Variants in BRDT observed in about 807,000 individuals in gnomAD.
The protein encoded by BRDT is bromodomain testis associated.
In BRDT, 77 loss-of-function variants were observed where a neutral mutation model predicts 113.9. The ratio of observed to expected loss-of-function variants is 0.68; its 90% confidence interval spans 0.56 to 0.82. The LOEUF is 0.82. Among genes scored for constraint, BRDT ranks in the 40% least tolerant of loss-of-function variants. BRDT has a pLI of 0.00. For synonymous variants in BRDT, 358 were observed against 366.5 expected (o/e 0.98, Z 0.26); for missense variants, 1,027 against 1,105.4 (o/e 0.93, Z 1.01).
chr1:91,998,081 A>AT (rs1422258931), intron 15 of BRDT, among the ~76,000 whole-genome samples: 1 of 152,016 alleles, frequency 6.6e-6, no homozygotes, highest in Non-Finnish European at 1.5e-5. Context: ...ACAATGTTGA[A>AT]TTTTTTTTCC....
intron 18 of BRDT, among the ~76,000 whole-genome samples, chr1:92,012,208 G>A (rs542828606): frequency 6.6e-6 from 1 of 151,316 alleles, no homozygotes; most frequent in East Asian, 2.0e-4. Flanking sequence ...TGAGGCAGAA[G>A]AATCATTTGA....
intron 4 of BRDT, among the ~76,000 whole-genome samples, chr1:91,972,136 T>A (rs961808568): frequency 2.0e-5 from 3 of 152,134 alleles, no homozygotes; most frequent in African/African-American, 7.2e-5. Flanking sequence ...GCTGCAAAAT[T>A]TAAGTAGTGT....
intron 1 of BRDT, among the ~76,000 whole-genome samples, chr1:91,960,107 A>G (rs950004453): frequency 5.3e-5 from 8 of 152,200 alleles, no homozygotes; most frequent in African/African-American, 1.7e-4. Context: ...TGGGAATGTG[A>G]AATCATGTAT....
At chr1:91,950,622 AG>A (rs1205516108) in intron 1 of BRDT, 1 of 150,948 alleles carries the variant, frequency 6.6e-6, no homozygotes, top group African/African-American at 2.4e-5. Flanking sequence ...GTTCAGGTAA[AG>A]AGAAGTTTCT....
chr1:91,992,356 G>T, intron 14 of BRDT, 42 bp downstream of exon 14: 2 of 1,192,442 alleles, frequency 1.7e-6, no homozygotes, highest in Non-Finnish European at 2.2e-6. Context: ...GGAAGAAATG[G>T]TTTACATATA....
chr1:91,980,965 GA>G lies in BRDT; in HGVS notation c.1538del (p.Asp513ValfsTer6), dbSNP rs1188709614. ...DEDNAKPMNY[D>X]EKRQLSLNIN... ...AGATAATGCTAAACCTATGAACTAT[GA>G]TGAGAAAAGGCAGTTAAGTCTGAAT... On this transcript the variant is annotated frameshift_variant, in exon 10 of 19. Coordinates refer to ENST00000399546, the MANE Select transcript of BRDT (RefSeq NM_207189.4). LOFTEE classifies it high-confidence loss of function. 1.2e-6 allele frequency: 2 copies of G among 1,614,034 alleles called. No homozygotes were observed. The highest frequency in any genetic ancestry group is 1.7e-6 in the Non-Finnish European group (2 of 1,179,990).
At position 91,981,090 on chromosome 1, in the gene BRDT, A is replaced by T. The variant is rs760034192; in HGVS notation, c.1662A>T (p.Ile554=). Residue 554 remains isoleucine, a synonymous_variant, in exon 10 of 19, where the codon ATA becomes ATT. Coordinates refer to ENST00000399546, the MANE Select transcript of BRDT (RefSeq NM_207189.4). The stretch of plus-strand genomic sequence containing the variant: ...ATTCCAATCCTGATGAGATAGAGAT[A>T]GACTTTGAAACACTGAAAGCATCAA... ...LSNSNPDEIE[I]DFETLKASTL... The T allele has an allele frequency of 6.2e-7, 1 of 1,614,100 alleles. No homozygotes were observed. Among genetic ancestry groups the T allele is most frequent in the Non-Finnish European group, 8.5e-7 (1 of 1,179,962 alleles).
chr1:92,002,404 C>T (rs1686942969), intron 16 of BRDT, among the ~76,000 whole-genome samples: 2 of 152,042 alleles, frequency 1.3e-5, no homozygotes, highest in Non-Finnish European at 2.9e-5. Context: ...CACTCTGTCG[C>T]CTAGGCTGGA....
chr1:91,978,444 A>T (rs1684364019), intron 7 of BRDT, 148 bp downstream of exon 7: 5 of 928,130 alleles, frequency 5.4e-6, no homozygotes, highest in Non-Finnish European at 7.7e-6. Context: ...TGCACCAACA[A>T]AACAGTTTAT....
intron 1 of BRDT, 53 bp from the exon 2 acceptor site, chr1:91,962,665 C>T (rs1416501019): frequency 9.0e-7 from 1 of 1,107,498 alleles, no homozygotes; most frequent in Non-Finnish European, 1.3e-6. Flanking sequence ...TTTTCAGCTC[C>T]TGTGGAAACC....
In BRDT at chr1:91,977,368, A is replaced by G; in HGVS notation, c.944A>G (p.Asn315Ser). The change falls in exon 6 of 19, where the codon AAT becomes AGT. Residue 315 changes from asparagine to serine, a missense_variant. Coordinates refer to ENST00000399546, the MANE Select transcript of BRDT (RefSeq NM_207189.4). ...GLHNYYDVVK[N>S]PMDLGTIKEK... ...CATAACTACTATGACGTTGTCAAAA[A>G]TCCGATGGATCTTGGAACTATTAAG... 6.3e-7 allele frequency: 1 copy of G among 1,591,352 alleles called. No individual in the cohort carries two copies. The highest frequency in any genetic ancestry group is 8.5e-7 in the Non-Finnish European group (1 of 1,170,560).
chr1:92,002,039 G>A lies in BRDT; in HGVS notation c.2288-10G>A, dbSNP rs1327287049. 4 of 1,573,992 alleles carry A rather than the reference G, an allele frequency of 2.5e-6. No individual in the cohort carries two copies. The highest frequency in any genetic ancestry group is 2.7e-5 in the African/African-American group (2 of 73,670). On this transcript the variant is annotated splice_polypyrimidine_tract_variant and intron_variant, in intron 15 of 18. Coordinates refer to ENST00000399546, the MANE Select transcript of BRDT (RefSeq NM_207189.4). ...TTTAATTATACTATTCTAAAAATGT[G>A]TGCATCCAGGTGATTCTGAACAGCT...
At chr1:91,961,682 A>T (rs751726479) in intron 1 of BRDT, among the ~76,000 whole-genome samples, 2 of 151,952 alleles carry the variant, frequency 1.3e-5, no homozygotes, top group Non-Finnish European at 2.9e-5. Context: ...TAGCCAGAAC[A>T]TTTTTTTACT....
At chr1:91,984,339 AAC>A (rs1470529283) in intron 12 of BRDT, among the ~76,000 whole-genome samples, 2 of 152,146 alleles carry the variant, frequency 1.3e-5, no homozygotes, top group Admixed American at 6.5e-5. Flanking sequence ...TGGGAACAAC[AAC>A]ACACACAAAA....
At chr1:91,963,502 G>A (rs1682723932) in intron 2 of BRDT, among the ~76,000 whole-genome samples, 1 of 152,106 alleles carries the variant, frequency 6.6e-6, no homozygotes, top group Non-Finnish European at 1.5e-5. Context: ...CCTTTTGGAT[G>A]CAGAGTTATC....
At chr1:91,975,821 G>A (rs968669730) in intron 4 of BRDT, among the ~76,000 whole-genome samples, 20 of 152,200 alleles carry the variant, frequency 1.3e-4, no homozygotes, top group African/African-American at 4.6e-4. Flanking sequence ...TCTGAAGAAG[G>A]TATTGATAAG....
Position 91,999,684 on chromosome 1 carries a change from T to C in BRDT, c.2288-2365T>C, listed in dbSNP as rs3820507. Among the ~76,000 whole-genome samples, 316 of 152,304 alleles carry C rather than the reference T, an allele frequency of 2.1e-3. 1 individual carries two copies. In the East Asian group the frequency reaches 0.039, roughly 19 times the overall value. On this transcript the variant is annotated intron_variant, in intron 15 of 18. Transcript: ENST00000399546. ...TGATCATTTTCTATATATCATGACA[T>C]GGAAAAGGTTGGAAGCAGTGCTCTA...
intron 15 of BRDT, 30 bp downstream of exon 15, chr1:91,994,284 T>C (rs1686072545): frequency 5.2e-6 from 8 of 1,527,244 alleles, no homozygotes; most frequent in African/African-American, 1.4e-5. Context: ...ACAACTGTTA[T>C]TGAGAAATTG....
intron 18 of BRDT, among the ~76,000 whole-genome samples, chr1:92,012,278 C>A (rs1444282923): frequency 1.4e-5 from 2 of 138,660 alleles, no homozygotes; most frequent in Non-Finnish European, 3.1e-5. Flanking sequence ...GCCTGGGCAA[C>A]AAGAGCAAAA....
Sources: allele counts gnomAD v4.1 joint callset (sites outside exome capture counted in the v4.1 genomes callset), GRCh38; gene constraint gnomAD v4.1.1; transcripts MANE v1.5; gene names NCBI Gene and HGNC (gene_info 2026-07-23, HGNC 2026-07-21).